Variants in CDH4 observed in about 807,000 individuals in gnomAD.
CDH4 encodes the protein cadherin 4.
A neutral mutation model predicts 86.0 loss-of-function variants in CDH4; 33 were observed. That is an observed-to-expected ratio of 0.38 (90% CI 0.29 to 0.51). The LOEUF (loss-of-function observed/expected upper bound fraction) is 0.51. Ranked by LOEUF, CDH4 falls within the 20% of genes least tolerant of loss-of-function variation. CDH4 has a pLI of 0.86. For missense variants in CDH4, 1,114 were observed against 1,307.4 expected (o/e 0.85, Z 2.28); for synonymous variants, 555 against 549.4 (o/e 1.01, Z -0.14).
chr20:61,861,929 C>A (rs1006382521), intron 6 of CDH4, among the ~76,000 whole-genome samples: 10 of 152,170 alleles, frequency 6.6e-5, no homozygotes, highest in Admixed American at 6.5e-4. Context: ...CGTTGAGAAA[C>A]CCAGAGATAC....
chr20:61,448,736 T>C (rs775841951), intron 2 of CDH4, among the ~76,000 whole-genome samples: 1 of 152,186 alleles, frequency 6.6e-6, no homozygotes, highest in Non-Finnish European at 1.5e-5. Flanking sequence ...TTTCCTCGCG[T>C]GCACGTGCAG....
chr20:61,255,390 A>G (rs1238060504), intron 2 of CDH4, among the ~76,000 whole-genome samples: 3 of 152,258 alleles, frequency 2.0e-5, no homozygotes, highest in African/African-American at 7.2e-5. Context: ...GAAAACACAC[A>G]TGCAGGAGGG....
At chr20:61,460,807 G>A (rs1035127291) in intron 2 of CDH4, among the ~76,000 whole-genome samples, 4 of 152,238 alleles carry the variant, frequency 2.6e-5, no homozygotes, top group Non-Finnish European at 4.4e-5. Flanking sequence ...CTGGGGGCTT[G>A]AGAAGGTCAT....
At chr20:61,355,907 T>C (rs943185691) in intron 2 of CDH4, among the ~76,000 whole-genome samples, 4 of 152,196 alleles carry the variant, frequency 2.6e-5, no homozygotes, top group African/African-American at 7.2e-5. Context: ...GGCATGAGTG[T>C]TTATGGAATA....
At chr20:61,295,521 C>T (rs566529175) in intron 2 of CDH4, among the ~76,000 whole-genome samples, 8 of 152,252 alleles carry the variant, frequency 5.3e-5, no homozygotes, top group African/African-American at 7.2e-5. Flanking sequence ...TAGCAATGGC[C>T]GCAAACTCCC....
intron 2 of CDH4, among the ~76,000 whole-genome samples, chr20:61,401,998 A>G (rs764854037): frequency 6.6e-6 from 1 of 152,262 alleles, no homozygotes; most frequent in East Asian, 1.9e-4. Context: ...GGAGGCCAGC[A>G]GTGGTTGCTC....
chr20:61,682,517 G>A (rs935165115), intron 2 of CDH4, among the ~76,000 whole-genome samples: 6 of 151,426 alleles, frequency 4.0e-5, no homozygotes, highest in Non-Finnish European at 7.4e-5. Flanking sequence ...GGACACACAG[G>A]TGGATGGATG....
intron 2 of CDH4, among the ~76,000 whole-genome samples, chr20:61,587,989 AGT>A (rs1188528543): frequency 6.6e-6 from 1 of 152,134 alleles, no homozygotes; most frequent in African/African-American, 2.4e-5. Context: ...TGTCTGTAAA[AGT>A]GTACAGATTT....
At chr20:61,760,424 T>G (rs768464004) in intron 3 of CDH4, among the ~76,000 whole-genome samples, 10 of 152,234 alleles carry the variant, frequency 6.6e-5, no homozygotes, top group Admixed American at 5.9e-4. Context: ...TGATCCTCCA[T>G]GCTCTGTGTC....
intron 2 of CDH4, among the ~76,000 whole-genome samples, chr20:61,408,139 T>C (rs2145487635): frequency 6.6e-6 from 1 of 152,192 alleles, no homozygotes; most frequent in Non-Finnish European, 1.5e-5. Context: ...ACTAGGACTG[T>C]CCCCTGCCTC....
chr20:61,527,950 T>C (rs953373787), intron 2 of CDH4, among the ~76,000 whole-genome samples: 2 of 152,168 alleles, frequency 1.3e-5, no homozygotes, highest in African/African-American at 4.8e-5. Flanking sequence ...AGTGGTGATG[T>C]CCCATTAGTG....
chr20:61,923,300 A>G (rs1325740295), intron 9 of CDH4, 151 bp from the exon 10 acceptor site: 6 of 772,888 alleles, frequency 7.8e-6, no homozygotes, highest in South Asian at 1.7e-5. Flanking sequence ...GGGAGATGGG[A>G]CCCTTTGGGG....
chr20:61,916,141 G>A (rs1208969496), intron 9 of CDH4, among the ~76,000 whole-genome samples: 1 of 150,466 alleles, frequency 6.6e-6, no homozygotes, highest in African/African-American at 2.4e-5. Context: ...TGGTAGAGAC[G>A]TCGTCTTTTC....
intron 2 of CDH4, among the ~76,000 whole-genome samples, chr20:61,424,147 T>C (rs12162457): frequency 0.31 from 46,078 of 150,604 alleles, 7,289 homozygotes; most frequent in East Asian, 0.53. Flanking sequence ...AGCACACATG[T>C]ATACACACAT....
At chr20:61,612,721 C>G (rs1451609798) in intron 2 of CDH4, among the ~76,000 whole-genome samples, 1 of 152,148 alleles carries the variant, frequency 6.6e-6, no homozygotes, top group Non-Finnish European at 1.5e-5. Flanking sequence ...TTTAAGGACT[C>G]TCTACCTAGC....
intron 2 of CDH4, among the ~76,000 whole-genome samples, chr20:61,688,356 C>A (rs910014778): frequency 6.6e-6 from 1 of 152,080 alleles, no homozygotes; most frequent in Non-Finnish European, 1.5e-5. Context: ...CTCCTCCCAC[C>A]GACACCCACC....
rs999493159 is a variant in CDH4, at chr20:61,516,615, C to T, written c.170-226948C>T. Among the ~76,000 whole-genome samples, 1 of 152,186 alleles carries T rather than the reference C, an allele frequency of 6.6e-6. No individual in the cohort carries two copies. The highest frequency in any genetic ancestry group is 1.5e-5 in the Non-Finnish European group (1 of 68,036). On this transcript the variant is annotated intron_variant, in intron 2 of 15. Coordinates refer to ENST00000614565, the MANE Select transcript of CDH4 (RefSeq NM_001794.5). This position sits in a 1 kb window ranked among gnomAD's most constrained non-coding sequence, Gnocchi z 4.0. ...TTACAAGGTCATCTGGCAGAAAGCT[C>T]AGTGGCTGAGCTATTTTAAAGCAAA...
intron 15 of CDH4, among the ~76,000 whole-genome samples, chr20:61,936,022 G>A (rs1013668781): frequency 4.6e-5 from 7 of 152,060 alleles, no homozygotes; most frequent in African/African-American, 1.7e-4. Context: ...AGCAGGTGCT[G>A]GCATGGAGGT....
At chr20:61,519,013 G>A (rs1187299091) in intron 2 of CDH4, among the ~76,000 whole-genome samples, 3 of 134,732 alleles carry the variant, frequency 2.2e-5, no homozygotes, top group African/African-American at 9.2e-5. Context: ...GCATTCCCAG[G>A]ATGCACACTC....
Sources: allele counts gnomAD v4.1 joint callset (sites outside exome capture counted in the v4.1 genomes callset), GRCh38; gene constraint gnomAD v4.1.1; non-coding constraint Gnocchi (gnomAD v3.1); transcripts MANE v1.5; gene names NCBI Gene and HGNC (gene_info 2026-07-23, HGNC 2026-07-21).